CDH23: variants seen among roughly 807,000 people sequenced by gnomAD.
CDH23 encodes cadherin-23.
Under a neutral mutation model 317.1 loss-of-function variants are expected in CDH23, and 189 were observed. The observed-to-expected ratio is 0.60, with a 90% CI of 0.53 to 0.67. The LOEUF (loss-of-function observed/expected upper bound fraction) is 0.67. Among genes scored for constraint, CDH23 ranks in the 30% least tolerant of loss-of-function variants. CDH23 has a pLI of 0.00. For missense variants in CDH23, 4,401 were observed against 4,592.4 expected (o/e 0.96, Z 1.20); for synonymous variants, 1,839 against 1,876.8 (o/e 0.98, Z 0.52).
chr10:71,603,675 G>C (rs376385499), intron 9 of CDH23, among the ~76,000 whole-genome samples: 3 of 152,178 alleles, frequency 2.0e-5, no homozygotes, highest in East Asian at 3.9e-4. Context: ...GCCAGACTCC[G>C]GGCCCCAGGG....
In CDH23 at chr10:71,472,448, C is replaced by T. The variant is rs78095185; in HGVS notation, c.145+26053C>T. 8.9e-3 allele frequency among the ~76,000 whole-genome samples: 1,363 copies of T among 152,348 alleles called. 23 individuals are homozygous for T. Among genetic ancestry groups the T allele is most frequent in the African/African-American group, 0.031 (1,298 of 41,580 alleles). On this transcript the variant is annotated intron_variant, in intron 3 of 69. Transcript: ENST00000224721. ...GTGTGACCGATTCCCCACGTTAAAT[C>T]CCCTCTCTTCGCAGCTCTAACAGTG...
chr10:71,555,121 T>G (rs1030913186), intron 6 of CDH23, among the ~76,000 whole-genome samples: 1 of 152,202 alleles, frequency 6.6e-6, no homozygotes, highest in African/African-American at 2.4e-5. Context: ...GGGAGGGGTA[T>G]GAGATTATGA....
In CDH23 at chr10:71,707,002, C is replaced by A. The variant is rs553678036; in HGVS notation, c.3059C>A (p.Thr1020Lys). Reference protein sequence around the residue: ...REFRVVWLNCTDNDVGLNAEL... With the variant: ...REFRVVWLNCKDNDVGLNAEL... Reference sequence around the variant, plus strand: ...TTCCGGGTGGTCTGGCTGAACTGCACGGACAACGACGTGGGCCTCAATGCA... The same window carrying A: ...TTCCGGGTGGTCTGGCTGAACTGCAAGGACAACGACGTGGGCCTCAATGCA... Residue 1020 changes from threonine (T) to lysine (K), a missense_variant, in exon 26 of 70, where the codon ACG becomes AAG. Around this residue, in one of 3 missense-constraint regions of CDH23, gnomAD observed 3,068 missense variants for 3,203.3 expected, o/e 0.96. Coordinates refer to ENST00000224721, the MANE Select transcript of CDH23 (RefSeq NM_022124.6). 5 of 1,607,506 alleles carry A rather than the reference C, an allele frequency of 3.1e-6. No individual in the cohort carries two copies. The highest frequency in any genetic ancestry group is 4.2e-6 in the Non-Finnish European group (5 of 1,177,098).
chr10:71,659,984 C>CTTTTT (rs1863579976), intron 14 of CDH23, among the ~76,000 whole-genome samples: 16 of 124,914 alleles, frequency 1.3e-4, no homozygotes, highest in Non-Finnish European at 1.4e-4. Flanking sequence ...TTTTTTTAGA[C>CTTTTT]GGAGCCTCGC....
At chr10:71,466,067 A>C (rs1003249099) in intron 3 of CDH23, among the ~76,000 whole-genome samples, 3 of 152,166 alleles carry the variant, frequency 2.0e-5, no homozygotes, top group Non-Finnish European at 4.4e-5. Context: ...CGGAAAAGCA[A>C]GAGAGACTTT....
intron 3 of CDH23, among the ~76,000 whole-genome samples, chr10:71,478,039 G>A (rs1182892095): frequency 2.0e-5 from 3 of 152,120 alleles, no homozygotes; most frequent in Non-Finnish European, 4.4e-5. Flanking sequence ...TGCTATTTAT[G>A]GCCTAGGTTT....
At position 71,790,278 on chromosome 10, in the gene CDH23, T is replaced by C. The variant is rs1381757883; in HGVS notation, c.5924-10T>C. On this transcript the variant is annotated splice_polypyrimidine_tract_variant and intron_variant, in intron 45 of 69. Coordinates refer to ENST00000224721, the MANE Select transcript of CDH23 (RefSeq NM_022124.6). ...TTGGTCTTGTGGTGACCCCTCTCCT[T>C]CTGGCCCAGGCACCCCTCTCACGGT... The C allele has an allele frequency of 6.2e-7, 1 of 1,613,348 alleles. No homozygotes were observed. Among genetic ancestry groups the C allele is most frequent in the Non-Finnish European group, 8.5e-7 (1 of 1,179,744 alleles).
Position 71,690,619 on chromosome 10 carries a change from A to G in CDH23, c.2176+35A>G, listed in dbSNP as rs776842807. On this transcript the variant is annotated intron_variant, in intron 20 of 69. Transcript: ENST00000224721. ...CCCACCCCAAGTACCCTGGTCCTCC[A>G]CACCCTGAGGCTGACTGTCCATACC... 6.9e-6 allele frequency: 10 copies of G among 1,448,410 alleles called. No homozygotes were observed. The Admixed American group carries it at 1.9e-4, about 28-fold the overall frequency. 89.7% of individuals were successfully genotyped at this position (1,448,410 alleles called of 1,614,324 possible). A position where few individuals can be genotyped will look rare whatever the true frequency, so the allele number is the denominator to read the frequency against.
intron 6 of CDH23, among the ~76,000 whole-genome samples, chr10:71,514,688 A>G (rs1311847625): frequency 2.6e-5 from 4 of 152,128 alleles, no homozygotes; most frequent in Admixed American, 2.6e-4. Context: ...TATCCATTTT[A>G]TCAGGGTGAA....
At chr10:71,446,052 T>C (rs1850148954) in intron 2 of CDH23, among the ~76,000 whole-genome samples, 2 of 152,324 alleles carry the variant, frequency 1.3e-5, no homozygotes, top group South Asian at 2.1e-4. Flanking sequence ...GCCCCTGTCA[T>C]GTGCTTGCTC....
chr10:71,556,607 A>AGAAAG (rs1856888494), intron 6 of CDH23, among the ~76,000 whole-genome samples: 1 of 151,526 alleles, frequency 6.6e-6, no homozygotes, highest in Non-Finnish European at 1.5e-5. Flanking sequence ...AGAAAAGAAA[A>AGAAAG]GAAAGGGAGG....
At chr10:71,551,387 G>A (rs927200261) in intron 6 of CDH23, among the ~76,000 whole-genome samples, 1 of 152,174 alleles carries the variant, frequency 6.6e-6, no homozygotes, top group Non-Finnish European at 1.5e-5. Context: ...CCCGGGGCCA[G>A]GAGGAGAAGG....
intron 27 of CDH23, 87 bp downstream of exon 27, chr10:71,709,298 G>A (rs1309301287): frequency 9.3e-6 from 11 of 1,177,956 alleles, no homozygotes; most frequent in Non-Finnish European, 1.4e-5. Context: ...TTTGCTAAAG[G>A]CTGAACTCTG....
chr10:71,497,162 G>A (rs1053876061), intron 3 of CDH23, among the ~76,000 whole-genome samples: 3 of 152,174 alleles, frequency 2.0e-5, no homozygotes, highest in African/African-American at 4.8e-5. Context: ...CAAGTGTTTG[G>A]ATAATCTCTT....
Position 71,732,381 on chromosome 10 carries a change from G to A in CDH23, c.4104+6G>A, listed in dbSNP as rs751029675. 8 of 1,556,404 alleles carry A rather than the reference G, an allele frequency of 5.1e-6. No homozygotes were observed. In the South Asian group the frequency reaches 5.9e-5, roughly 11 times the overall value. On this transcript the variant is annotated splice_donor_region_variant and intron_variant, in intron 32 of 69. Transcript: ENST00000224721. ...TCAAGATAGACGCCATCACGGTGAG[G>A]GGCTGGGGGCAGGGAGCACCATTTC...
chr10:71,739,626 C>A lies in CDH23; in HGVS notation c.4360-18C>A. ...TCCTCCACACCTGCTCACCCCTCAC[C>A]CTCTCTTCTCCCCACAGGTGGTCTT... On this transcript the variant is annotated intron_variant, in intron 35 of 69. Coordinates refer to ENST00000224721, the MANE Select transcript of CDH23 (RefSeq NM_022124.6). 6.2e-7 allele frequency: 1 copy of A among 1,611,326 alleles called. No homozygotes were observed. Among genetic ancestry groups the A allele is most frequent in the Non-Finnish European group, 8.5e-7 (1 of 1,178,818 alleles).
chr10:71,722,593 T>C (rs1866609206), intron 28 of CDH23, among the ~76,000 whole-genome samples: 1 of 152,160 alleles, frequency 6.6e-6, no homozygotes, highest in African/African-American at 2.4e-5. Context: ...TGTGGGGATA[T>C]GGGCAATAAG....
rs1841760812 is a variant in CDH23, at chr10:71,807,352, G to A, written c.8254G>A (p.Gly2752Ser). The A allele has an allele frequency of 6.2e-7, 1 of 1,613,784 alleles. No individual in the cohort carries two copies. The highest frequency in any genetic ancestry group is 1.7e-5 in the Admixed American group (1 of 59,996). The change falls in exon 58 of 70, where the codon GGC (glycine) becomes AGC (serine). Residue 2752 changes from glycine to serine, a missense_variant. Physicochemically the swap from Gly to Ser is moderately conservative, Grantham distance 56 (BLOSUM62 0). Coordinates refer to ENST00000224721, the MANE Select transcript of CDH23 (RefSeq NM_022124.6). ...PRGTLVGNVT[G>S]AVDADEGPNA... is the part of the protein sequence containing the mutation. The stretch of plus-strand genomic sequence containing the variant: ...CGGCACCCTCGTGGGCAACGTGACA[G>A]GCGCAGTGGATGCAGATGAGGGCCC...
At chr10:71,799,002 T>A in intron 50 of CDH23, 109 bp from the exon 51 acceptor site, 2 of 1,086,232 alleles carry the variant, frequency 1.8e-6, no homozygotes, top group Non-Finnish European at 2.7e-6. Context: ...CCACCCTCCT[T>A]CAAGTGACCA....
Sources: allele counts gnomAD v4.1 joint callset (sites outside exome capture counted in the v4.1 genomes callset), GRCh38; gene constraint gnomAD v4.1.1; regional missense constraint gnomAD v4.1.1; transcripts MANE v1.5; gene names NCBI Gene and HGNC (gene_info 2026-07-23, HGNC 2026-07-21).